Variants in ESRRG observed in about 807,000 individuals in gnomAD.
ESRRG encodes estrogen-related receptor gamma.
A neutral mutation model predicts 44.0 loss-of-function variants in ESRRG; 13 were observed. The ratio of observed to expected loss-of-function variants is 0.30; its 90% CI spans 0.19 to 0.47. The LOEUF is 0.47. Ranked by LOEUF, ESRRG falls within the 20% of genes least tolerant of loss-of-function variation. The pLI, the probability that ESRRG is intolerant of heterozygous loss-of-function variation, is 1.00. For missense variants in ESRRG, 395 were observed against 580.6 expected, an observed-to-expected ratio of 0.68 and a Z score of 3.29; for synonymous variants, 215 against 214.6, an observed-to-expected ratio of 1.00 and a Z score of -0.02.
intron 2 of ESRRG, among the ~76,000 whole-genome samples, chr1:216,822,994 A>C (rs896665995): frequency 4.6e-5 from 7 of 152,130 alleles, no homozygotes; most frequent in Non-Finnish European, 8.8e-5. Context: ...ATTGAAGATG[A>C]GTTTACCCAA....
intron 2 of ESRRG, among the ~76,000 whole-genome samples, chr1:216,657,582 T>C (rs1378160595): frequency 6.6e-6 from 1 of 152,140 alleles, no homozygotes; most frequent in East Asian, 1.9e-4. Flanking sequence ...ACTGAAGCTA[T>C]TGTGAGACTC....
At chr1:217,006,879 G>T (rs2077821534) in intron 1 of ESRRG, among the ~76,000 whole-genome samples, 1 of 152,038 alleles carries the variant, frequency 6.6e-6, no homozygotes. Flanking sequence ...TGCTCCACCT[G>T]TATTTAGTAA....
intron 5 of ESRRG, among the ~76,000 whole-genome samples, chr1:216,543,975 C>T (rs1012449727): frequency 6.6e-6 from 1 of 151,988 alleles, no homozygotes; most frequent in Non-Finnish European, 1.5e-5. Flanking sequence ...ATAGCAATTA[C>T]TTGAGTGATA....
chr1:216,740,092 G>A (rs1464107951), intron 2 of ESRRG, among the ~76,000 whole-genome samples: 10 of 152,052 alleles, frequency 6.6e-5, no homozygotes, highest in Admixed American at 5.9e-4. Context: ...TAATAGCCCC[G>A]ACCTGTGCAA....
At chr1:216,620,373 C>A (rs908919376) in intron 3 of ESRRG, among the ~76,000 whole-genome samples, 3 of 152,182 alleles carry the variant, frequency 2.0e-5, no homozygotes, top group African/African-American at 4.8e-5. Flanking sequence ...ACCCGTCCAC[C>A]ACCACAGGAC....
intron 2 of ESRRG, among the ~76,000 whole-genome samples, chr1:216,840,744 A>G (rs2095639799): frequency 6.6e-6 from 1 of 152,168 alleles, no homozygotes; most frequent in Non-Finnish European, 1.5e-5. Context: ...AAAGAGGCCC[A>G]AGAAGAGGAA....
intron 2 of ESRRG, among the ~76,000 whole-genome samples, chr1:216,856,335 T>A (rs1169294097): frequency 6.8e-6 from 1 of 147,002 alleles, no homozygotes; most frequent in Non-Finnish European, 1.5e-5. Context: ...AATATGTCTG[T>A]CTCTGCTTCT....
At chr1:216,695,381 A>T (rs373533537) in intron 1 of ESRRG, among the ~76,000 whole-genome samples, 1 of 152,160 alleles carries the variant, frequency 6.6e-6, no homozygotes, top group African/African-American at 2.4e-5. Context: ...ATGAACTGCA[A>T]TTACCTGGTT....
chr1:217,104,093 G>A (rs953668837), intron 1 of ESRRG, among the ~76,000 whole-genome samples: 1 of 152,162 alleles, frequency 6.6e-6, no homozygotes, highest in Non-Finnish European at 1.5e-5. Context: ...ATCCTCTAAT[G>A]TTGCTCTTCC....
chr1:217,128,753 T>G (rs1021708659), intron 1 of ESRRG, among the ~76,000 whole-genome samples: 1 of 152,232 alleles, frequency 6.6e-6, no homozygotes, highest in Non-Finnish European at 1.5e-5. Context: ...CCTGATAATC[T>G]GCATTTGGTA....
chr1:216,726,605 A>G (rs565875977), upstream of ESRRG, among the ~76,000 whole-genome samples: 23 of 152,160 alleles, frequency 1.5e-4, no homozygotes. Flanking sequence ...ACACTTCACA[A>G]TCTTACCACA....
At chr1:216,619,028 C>G (rs1204989538) in intron 3 of ESRRG, among the ~76,000 whole-genome samples, 2 of 152,338 alleles carry the variant, frequency 1.3e-5, no homozygotes, top group Non-Finnish European at 2.9e-5. Context: ...TTTGGCGAGG[C>G]ATTCAGCTCC....
At chr1:216,520,961 A>G (rs1427755953) in intron 5 of ESRRG, among the ~76,000 whole-genome samples, 1 of 152,156 alleles carries the variant, frequency 6.6e-6, no homozygotes, top group African/African-American at 2.4e-5. Flanking sequence ...TTCCTGACCT[A>G]TTGGTGAAAA....
chr1:217,061,672 G>A (rs577220562), intron 1 of ESRRG, among the ~76,000 whole-genome samples: 7 of 152,070 alleles, frequency 4.6e-5, no homozygotes, highest in Non-Finnish European at 5.9e-5. Flanking sequence ...AGAAAAACAA[G>A]GCCAGGGGAG....
chr1:216,677,736 A>G (rs1220423386), intron 1 of ESRRG, among the ~76,000 whole-genome samples: 1 of 152,206 alleles, frequency 6.6e-6, no homozygotes, highest in Non-Finnish European at 1.5e-5. Flanking sequence ...GGTAATCAGC[A>G]TAAGGGCATG....
At chr1:217,054,913 C>T (rs2086783064) in intron 1 of ESRRG, among the ~76,000 whole-genome samples, 1 of 152,164 alleles carries the variant, frequency 6.6e-6, no homozygotes, top group South Asian at 2.1e-4. Flanking sequence ...ATAGAACTCA[C>T]TGCAGACTCT....
intron 3 of ESRRG, among the ~76,000 whole-genome samples, chr1:216,596,082 G>A (rs1227356339): frequency 1.3e-5 from 2 of 152,098 alleles, no homozygotes; most frequent in Non-Finnish European, 2.9e-5. Flanking sequence ...CCCATCCCTG[G>A]GGTCAACTGG....
intron 5 of ESRRG, among the ~76,000 whole-genome samples, chr1:216,555,342 G>A (rs1291564517): frequency 6.6e-6 from 1 of 152,078 alleles, no homozygotes; most frequent in Non-Finnish European, 1.5e-5. Context: ...GCACTTTCAA[G>A]GTAACAATTC....
At chr1:216,741,173 G>A (rs1280377408) in intron 2 of ESRRG, among the ~76,000 whole-genome samples, 1 of 146,462 alleles carries the variant, frequency 6.8e-6, no homozygotes, top group African/African-American at 2.5e-5. Flanking sequence ...TTTGGGGTCA[G>A]GGTAATTTAT....
Sources: allele counts gnomAD v4.1 joint callset (sites outside exome capture counted in the v4.1 genomes callset), GRCh38; gene constraint gnomAD v4.1.1; transcripts MANE v1.5; gene names NCBI Gene and HGNC (gene_info 2026-07-23, HGNC 2026-07-21).